Variants in PDE3A observed in about 807,000 individuals in gnomAD.
The protein encoded by PDE3A is cGMP-inhibited 3',5'-cyclic phosphodiesterase 3A.
PDE3A carries 43 observed loss-of-function variants against 98.3 expected under a neutral mutation model. That is an observed-to-expected ratio of 0.44 (90% CI 0.34 to 0.56). The LOEUF is 0.56. PDE3A is among the 20% of genes least tolerant of loss of function. The pLI is 0.01. For missense variants in PDE3A, 1,427 were observed against 1,440.7 expected (o/e 0.99, Z 0.15); for synonymous variants, 663 against 567.9 (o/e 1.17, Z -2.38).
chr12:20,578,265 T>G (rs1942982262), intron 2 of PDE3A, among the ~76,000 whole-genome samples: 1 of 152,102 alleles, frequency 6.6e-6, no homozygotes, highest in African/African-American at 2.4e-5. Flanking sequence ...ACTGCAGTAT[T>G]AAACAGACCC....
intron 1 of PDE3A, among the ~76,000 whole-genome samples, chr12:20,554,818 T>C (rs1468767762): frequency 6.6e-6 from 1 of 152,074 alleles, no homozygotes; most frequent in Admixed American, 6.6e-5. Context: ...AACTCCTTTT[T>C]TTCATTAGTT....
intron 1 of PDE3A, among the ~76,000 whole-genome samples, chr12:20,424,555 A>G (rs1944573921): frequency 6.6e-6 from 1 of 152,188 alleles, no homozygotes; most frequent in Admixed American, 6.5e-5. Context: ...ATGAATAAAA[A>G]ATGATGTGGT....
chr12:20,598,694 A>C (rs1351005797), intron 2 of PDE3A, among the ~76,000 whole-genome samples: 1 of 152,218 alleles, frequency 6.6e-6, no homozygotes, highest in Non-Finnish European at 1.5e-5. Flanking sequence ...GGGTACTTAG[A>C]GATTTCTGAA....
In PDE3A at chr12:20,501,230, C is replaced by T. The variant is rs184026212; in HGVS notation, c.961-55430C>T. ...GAGTTGTACTACTTTTCTCTTTGGG[C>T]TTATGAAACATCTAGAATAATTAAA... On this transcript the variant is annotated intron_variant, in intron 1 of 15. Transcript: ENST00000359062. 2.6e-5 allele frequency among the ~76,000 whole-genome samples: 4 copies of T among 152,248 alleles called. No homozygotes were observed. In the East Asian group the frequency reaches 7.7e-4, roughly 29 times the overall value.
At chr12:20,373,423 A>G (rs1226637177) in intron 1 of PDE3A, among the ~76,000 whole-genome samples, 27 of 152,136 alleles carry the variant, frequency 1.8e-4, no homozygotes, top group Non-Finnish European at 7.4e-5. Context: ...GATATTATGC[A>G]TGATTAATAT....
chr12:20,405,086 C>T (rs1253401397), intron 1 of PDE3A, among the ~76,000 whole-genome samples: 1 of 152,108 alleles, frequency 6.6e-6, no homozygotes, highest in East Asian at 1.9e-4. Flanking sequence ...GAGGGATAAG[C>T]GTCAGAGGAA....
intron 2 of PDE3A, among the ~76,000 whole-genome samples, chr12:20,589,504 G>T (rs935670909): frequency 6.6e-6 from 1 of 152,102 alleles, no homozygotes; most frequent in African/African-American, 2.4e-5. Flanking sequence ...ATAGGTCTGT[G>T]CATTATGCTG....
intron 1 of PDE3A, among the ~76,000 whole-genome samples, chr12:20,394,693 A>C (rs561445578): frequency 2.1e-4 from 32 of 152,218 alleles, no homozygotes; most frequent in African/African-American, 7.5e-4. Flanking sequence ...TAAAACATGC[A>C]AGAACTTGAA....
intron 1 of PDE3A, among the ~76,000 whole-genome samples, chr12:20,454,669 CTA>C (rs1945124360): frequency 6.6e-6 from 1 of 152,164 alleles, no homozygotes; most frequent in Non-Finnish European, 1.5e-5. Context: ...TCATTCCCCT[CTA>C]TGTGTCCATG....
In PDE3A at chr12:20,671,828, T is replaced by G. The variant is rs1347441329; in HGVS notation, c.3185-8202T>G. Among the ~76,000 whole-genome samples the G allele has an allele frequency of 7.5e-5, 11 of 146,654 alleles. No individual in the cohort carries two copies. In the South Asian group the frequency reaches 1.1e-3, roughly 15 times the overall value. On this transcript the variant is annotated intron_variant, in intron 15 of 15. Coordinates refer to ENST00000359062, the MANE Select transcript of PDE3A (RefSeq NM_000921.5). ...CCTCTCTCACCACTCCTATTCAACA[T>G]AGTGTTGGAAGTTCTGGCCAAGGCA...
chr12:20,540,775 C>A (rs1357124168), intron 1 of PDE3A, among the ~76,000 whole-genome samples: 3 of 151,936 alleles, frequency 2.0e-5, no homozygotes, highest in Non-Finnish European at 4.4e-5. Flanking sequence ...ATTAGGAAAA[C>A]TTTGGCTAGG....
intron 2 of PDE3A, among the ~76,000 whole-genome samples, chr12:20,608,504 G>C (rs1290876831): frequency 6.6e-6 from 1 of 152,020 alleles, no homozygotes; most frequent in Non-Finnish European, 1.5e-5. Flanking sequence ...TTTTGCAAAA[G>C]CTACAGCATA....
chr12:20,572,886 A>T (rs1404254525), intron 2 of PDE3A, among the ~76,000 whole-genome samples: 1 of 152,086 alleles, frequency 6.6e-6, no homozygotes, highest in Non-Finnish European at 1.5e-5. Context: ...AATGTATGAA[A>T]TACCAAATCA....
At chr12:20,653,914 T>A in intron 14 of PDE3A, 33 bp from the exon 15 acceptor site, 2 of 1,602,436 alleles carry the variant, frequency 1.2e-6, no homozygotes, top group Non-Finnish European at 1.7e-6. Context: ...AGATGCCAGG[T>A]GAATGTTGAC....
intron 1 of PDE3A, among the ~76,000 whole-genome samples, chr12:20,502,170 T>A (rs1255997642): frequency 6.6e-6 from 1 of 152,200 alleles, no homozygotes; most frequent in African/African-American, 2.4e-5. Context: ...ATCACGTGAC[T>A]GACTCCATTC....
chr12:20,389,238 G>A (rs1273598000), intron 1 of PDE3A, among the ~76,000 whole-genome samples: 1 of 151,918 alleles, frequency 6.6e-6, no homozygotes, highest in Non-Finnish European at 1.5e-5. Context: ...GTGTGTGTGA[G>A]GAGGAAAGGG....
chr12:20,568,834 T>C (rs1441353229), intron 2 of PDE3A, among the ~76,000 whole-genome samples: 2 of 151,958 alleles, frequency 1.3e-5, no homozygotes, highest in Non-Finnish European at 2.9e-5. Flanking sequence ...TTAGAGAATA[T>C]GGATAAAGAA....
intron 1 of PDE3A, among the ~76,000 whole-genome samples, chr12:20,483,857 C>T (rs2121016008): frequency 6.6e-6 from 1 of 152,182 alleles, no homozygotes; most frequent in South Asian, 2.1e-4. Context: ...ATTATGAGCG[C>T]AGATGTATAG....
chr12:20,433,853 G>A (rs1271889266), intron 1 of PDE3A, among the ~76,000 whole-genome samples: 1 of 152,074 alleles, frequency 6.6e-6, no homozygotes, highest in Non-Finnish European at 1.5e-5. Flanking sequence ...TAGATGGATT[G>A]TGGAGAGAGA....
Sources: gnomAD v4.1 joint callset for allele counts (sites outside exome capture counted in the v4.1 genomes callset) on GRCh38, gnomAD v4.1.1 for gene constraint, MANE v1.5 for transcripts, NCBI Gene and HGNC (gene_info 2026-07-23, HGNC 2026-07-21) for gene names.